The following IGFL2 variants were observed in gnomAD, a reference collection of about 807,000 sequenced individuals.
The protein encoded by IGFL2 is IGF like family member 2, also known as insulin growth factor-like family member 2.
A neutral mutation model predicts 13.9 loss-of-function variants in IGFL2; 7 were observed. That is an observed-to-expected ratio of 0.51 (90% CI 0.29 to 0.95). The LOEUF (loss-of-function observed/expected upper bound fraction) is 0.95. Among genes scored for constraint, IGFL2 ranks in the 40% least tolerant of loss-of-function variants. The pLI is 0.08. For synonymous variants in IGFL2, 55 were observed against 55.8 expected (o/e 0.99, Z 0.07); for missense variants, 138 against 147.8 (o/e 0.93, Z 0.34).
At chr19:46,083,179 A>G in the IGFL2 span, among the ~76,000 whole-genome samples, 1 of 152,236 alleles carries the variant, frequency 6.6e-6, no homozygotes. Flanking sequence ...TAGAATTTCT[A>G]CTTCCAGGGC....
the IGFL2 span, among the ~76,000 whole-genome samples, chr19:46,170,961 T>G: frequency 6.6e-6 from 1 of 152,196 alleles, no homozygotes; most frequent in Admixed American, 6.5e-5. Flanking sequence ...CCTTGTGATC[T>G]TTTGTCGCCC....
At chr19:46,166,534 T>C in the IGFL2 span, among the ~76,000 whole-genome samples, 1 of 152,188 alleles carries the variant, frequency 6.6e-6, no homozygotes, top group Admixed American at 6.5e-5. Context: ...TAACATCTTA[T>C]CAGGAGACAG....
the IGFL2 span, among the ~76,000 whole-genome samples, chr19:46,132,248 T>A: frequency 6.6e-6 from 1 of 152,214 alleles, no homozygotes; most frequent in Non-Finnish European, 1.5e-5. Flanking sequence ...CCTTGCTCCC[T>A]GTGGCATAGC....
the IGFL2 span, among the ~76,000 whole-genome samples, chr19:46,107,217 T>G: frequency 6.6e-6 from 1 of 152,062 alleles, no homozygotes; most frequent in African/African-American, 2.4e-5. Context: ...TCCATATTGA[T>G]CAAGAAGGGG....
intron 1 of IGFL2, among the ~76,000 whole-genome samples, chr19:46,155,998 A>G (rs1397378114): frequency 2.0e-5 from 3 of 152,142 alleles, no homozygotes; most frequent in African/African-American, 4.8e-5. Flanking sequence ...AAAAATATGT[A>G]TAGAGTCAGG....
At chr19:46,145,489 A>T (rs145414178), upstream of IGFL2, among the ~76,000 whole-genome samples, 695 of 152,008 alleles carry the variant, frequency 4.6e-3, 22 homozygotes, top group Admixed American at 0.036. Flanking sequence ...TCACCAGATT[A>T]AAGCCCTCCT....
the IGFL2 span, among the ~76,000 whole-genome samples, chr19:46,201,586 A>G: frequency 6.6e-6 from 1 of 152,180 alleles, no homozygotes. Context: ...CTGTGTTCCC[A>G]GTGATGGCAC....
chr19:46,170,714 G>C, the IGFL2 span, among the ~76,000 whole-genome samples: 5 of 152,226 alleles, frequency 3.3e-5, no homozygotes, highest in East Asian at 7.7e-4. Context: ...GCCACTCTGG[G>C]GGTGTCTGCC....
chr19:46,115,827 G>A, the IGFL2 span, among the ~76,000 whole-genome samples: 39 of 152,238 alleles, frequency 2.6e-4, no homozygotes, highest in African/African-American at 9.1e-4. Context: ...AGCAAAAAGC[G>A]TTGGAATTTT....
At chr19:46,080,838 C>T in the IGFL2 span, among the ~76,000 whole-genome samples, 1 of 152,344 alleles carries the variant, frequency 6.6e-6, no homozygotes, top group African/African-American at 2.4e-5. Context: ...AGGGCTGACT[C>T]TCCGGGCAGG....
chr19:46,094,576 G>A, the IGFL2 span, among the ~76,000 whole-genome samples: 1 of 151,048 alleles, frequency 6.6e-6, no homozygotes, highest in Non-Finnish European at 1.5e-5. Flanking sequence ...ATGCAGGTTT[G>A]TCACACAGGT....
At chr19:46,120,906 G>A in the IGFL2 span, among the ~76,000 whole-genome samples, 1 of 150,774 alleles carries the variant, frequency 6.6e-6, no homozygotes, top group African/African-American at 2.5e-5. Context: ...CATCAGTCAT[G>A]CTGTACCCCA....
At chr19:46,087,261 G>A in the IGFL2 span, among the ~76,000 whole-genome samples, 1 of 152,198 alleles carries the variant, frequency 6.6e-6, no homozygotes, top group East Asian at 1.9e-4. Context: ...GGTGGTAGCT[G>A]GGGTGCACTA....
At chr19:46,187,826 C>T in the IGFL2 span, among the ~76,000 whole-genome samples, 8 of 120,534 alleles carry the variant, frequency 6.6e-5, 1 homozygote, top group African/African-American at 2.3e-4. Flanking sequence ...GTGTGTGCTA[C>T]GTGCTACCTG....
At chr19:46,130,563 C>A in the IGFL2 span, among the ~76,000 whole-genome samples, 1 of 152,078 alleles carries the variant, frequency 6.6e-6, no homozygotes, top group Non-Finnish European at 1.5e-5. Flanking sequence ...TGGTTACTTG[C>A]AAGTGGTTGC....
At chr19:46,082,467 C>T in the IGFL2 span, among the ~76,000 whole-genome samples, 5 of 152,260 alleles carry the variant, frequency 3.3e-5, 1 homozygote, top group South Asian at 1.0e-3. Context: ...TCTGAACTTG[C>T]TTGTGTGCCA....
chr19:46,200,931 C>T, the IGFL2 span: 1 of 152,192 alleles, frequency 6.6e-6, no homozygotes, highest in African/African-American at 2.4e-5. Flanking sequence ...TCATAAAAAT[C>T]TGTGCAGTGT....
At chr19:46,172,717 A>G in the IGFL2 span, among the ~76,000 whole-genome samples, 9 of 152,004 alleles carry the variant, frequency 5.9e-5, no homozygotes, top group East Asian at 1.9e-4. Context: ...TTTGATGTGT[A>G]TATATATATA....
At chr19:46,142,555 TAATATA>T (rs2146807860), upstream of IGFL2, among the ~76,000 whole-genome samples, 1 of 152,368 alleles carries the variant, frequency 6.6e-6, no homozygotes, top group East Asian at 1.9e-4. Context: ...CACTGTGATG[TAATATA>T]AATATACAAG....
Sources: gnomAD v4.1 joint callset for allele counts (sites outside exome capture counted in the v4.1 genomes callset) on GRCh38, gnomAD v4.1.1 for gene constraint, MANE v1.5 for transcripts, NCBI Gene and HGNC (gene_info 2026-07-23, HGNC 2026-07-21) for gene names.